WARS2: variants seen among roughly 807,000 people sequenced by gnomAD.
WARS2 encodes the protein tryptophan--tRNA ligase, mitochondrial.
A neutral mutation model predicts 36.5 loss-of-function variants in WARS2; 28 were observed. That is an observed-to-expected ratio of 0.77 (90% CI 0.57 to 1.05). The LOEUF (loss-of-function observed/expected upper bound fraction) is 1.05, where lower values mean the gene tolerates loss of function less well. WARS2 is among the 50% of genes least tolerant of loss of function. WARS2 has a pLI of 0.00. For synonymous variants in WARS2, 174 were observed against 178.4 expected (o/e 0.98, Z 0.20); for missense variants, 435 against 456.8 (o/e 0.95, Z 0.44).
rs908741602 is a variant in WARS2 at position 119,125,756 on chromosome 1, A to G, written c.90+14799T>C. Among the ~76,000 whole-genome samples the G allele has an allele frequency of 2.6e-5, 4 of 152,162 alleles. No homozygotes were observed. The South Asian group carries it at 8.3e-4, about 32-fold the overall frequency. ...ACCTCTTGAATACTCTTCTAAACTG[A>G]TTAAAGGATTAGGAAGCTGGCTGTC... On this transcript the variant is annotated intron_variant, in intron 1 of 5. Coordinates refer to ENST00000235521, the MANE Select transcript of WARS2 (RefSeq NM_015836.4).
chr1:119,078,392 C>T (rs975248175), intron 1 of WARS2, among the ~76,000 whole-genome samples: 6 of 152,042 alleles, frequency 3.9e-5, no homozygotes, highest in African/African-American at 9.7e-5. Context: ...GGTATGTATA[C>T]GTATCTTCAA....
chr1:119,085,119 C>G, intron 1 of WARS2: 1 of 782,310 alleles, frequency 1.3e-6, no homozygotes, highest in South Asian at 1.3e-5. Context: ...CCCTTCAGAA[C>G]GCCCGTTGTA....
chr1:119,082,878 T>A (rs960391079), intron 1 of WARS2, among the ~76,000 whole-genome samples: 4 of 152,140 alleles, frequency 2.6e-5, no homozygotes, highest in Admixed American at 2.6e-4. Context: ...GCAGGGCCTT[T>A]TAGAAAGTGA....
At chr1:119,112,247 G>A (rs1654690892) in intron 1 of WARS2, among the ~76,000 whole-genome samples, 1 of 152,106 alleles carries the variant, frequency 6.6e-6, no homozygotes, top group African/African-American at 2.4e-5. Flanking sequence ...TTGTTGTTAG[G>A]ATGAAGTGGA....
chr1:119,100,373 A>G (rs1482011914), intron 1 of WARS2, among the ~76,000 whole-genome samples: 5 of 152,148 alleles, frequency 3.3e-5, no homozygotes, highest in Admixed American at 3.3e-4. Context: ...TCTATGGAAA[A>G]CTGTATGGAG....
intron 4 of WARS2, among the ~76,000 whole-genome samples, chr1:119,035,669 A>C (rs1647818409): frequency 6.6e-6 from 1 of 152,214 alleles, no homozygotes; most frequent in South Asian, 2.1e-4. Context: ...TACCACAAAT[A>C]GTAATGCATA....
rs1275377615 is a variant in WARS2, at chr1:119,031,790, T to C, written c.*1121A>G. The C allele has an allele frequency of 6.6e-6, 1 of 152,392 alleles. No homozygotes were observed. The highest frequency in any genetic ancestry group is 2.4e-5 in the African/African-American group (1 of 41,458). 9.4% of individuals were successfully genotyped at this position (152,392 alleles called of 1,614,324 possible). On this transcript the variant is annotated 3_prime_UTR_variant, in exon 6 of 6. Coordinates refer to ENST00000235521, the MANE Select transcript of WARS2 (RefSeq NM_015836.4). ...GATTTGTCAGTCTTCACTGCTATTG[T>C]AGACTGGCAGAACCTATTTCAAAGT...
chr1:119,042,147 G>T, intron 4 of WARS2, 117 bp downstream of exon 4: 2 of 818,396 alleles, frequency 2.4e-6, no homozygotes, highest in South Asian at 1.8e-5. Flanking sequence ...AACTGATTCA[G>T]ATGTCTGACG....
chr1:119,052,015 C>T (rs1223331101), intron 2 of WARS2, among the ~76,000 whole-genome samples: 1 of 152,092 alleles, frequency 6.6e-6, no homozygotes, highest in Admixed American at 6.5e-5. Flanking sequence ...CTGCCTCAGC[C>T]TCCCAAAGTG....
At chr1:119,053,699 A>G (rs1649551571) in intron 2 of WARS2, among the ~76,000 whole-genome samples, 1 of 152,202 alleles carries the variant, frequency 6.6e-6, no homozygotes, top group African/African-American at 2.4e-5. Context: ...AAAATGGGAG[A>G]AAAATATTTG....
chr1:119,086,314 T>TGATTATCTGAGAACATTCATCC (rs1433973473), intron 1 of WARS2, among the ~76,000 whole-genome samples: 1 of 152,240 alleles, frequency 6.6e-6, no homozygotes, highest in Non-Finnish European at 1.5e-5. Context: ...CCTCTTCAGC[T>TGATTATCTGAGAACATTCATCC]GATTATCTGA....
intron 1 of WARS2, among the ~76,000 whole-genome samples, chr1:119,118,000 T>C (rs1222638595): frequency 1.3e-5 from 2 of 152,096 alleles, no homozygotes; most frequent in African/African-American, 2.4e-5. Flanking sequence ...AAAGTAATTC[T>C]AGTAATGTGA....
intron 1 of WARS2, chr1:119,085,520 C>T: frequency 1.3e-6 from 2 of 1,597,816 alleles, no homozygotes; most frequent in Non-Finnish European, 1.7e-6. Flanking sequence ...AGCTCTCAGA[C>T]AAACTTGGTG....
intron 1 of WARS2, among the ~76,000 whole-genome samples, chr1:119,132,792 A>T (rs1389090089): frequency 6.6e-6 from 1 of 152,156 alleles, no homozygotes; most frequent in Non-Finnish European, 1.5e-5. Context: ...AAGCCTCATC[A>T]CCATTCTAAT....
rs79040750 is a variant in WARS2 at position 119,061,485 on chromosome 1, T to C, written c.348+14865A>G. On this transcript the variant is annotated intron_variant, in intron 2 of 5. Coordinates refer to ENST00000235521, the MANE Select transcript of WARS2 (RefSeq NM_015836.4). ...GCAGAAGAGTCACTGAATGAAAAGA[T>C]AGATCAGTAGAAATTAACCCACTTA... is the stretch of plus-strand genomic sequence containing the variant. 5.5e-4 allele frequency among the ~76,000 whole-genome samples: 83 copies of C among 152,292 alleles called. No individual in the cohort carries two copies. The East Asian group carries it at 0.012, about 23-fold the overall frequency.
chr1:119,139,680 T>G (rs983881719), intron 1 of WARS2: 1 of 152,198 alleles, frequency 6.6e-6, no homozygotes, highest in African/African-American at 2.4e-5. Flanking sequence ...GCAATACATA[T>G]GCAAATGATG....
intron 3 of WARS2, 93 bp downstream of exon 3, chr1:119,045,489 C>T: frequency 9.4e-7 from 1 of 1,063,144 alleles, no homozygotes; most frequent in Non-Finnish European, 1.4e-6. Flanking sequence ...GAGTGGCAGA[C>T]CAGGGAGGAG....
chr1:119,052,172 T>C (rs562561205), intron 2 of WARS2, among the ~76,000 whole-genome samples: 25 of 152,310 alleles, frequency 1.6e-4, no homozygotes, highest in African/African-American at 6.0e-4. Flanking sequence ...CTGAAAGATA[T>C]AGCTGCTAGG....
chr1:119,135,814 C>A (rs890402859), intron 1 of WARS2, among the ~76,000 whole-genome samples: 7 of 151,930 alleles, frequency 4.6e-5, no homozygotes, highest in African/African-American at 1.7e-4. Context: ...GTTTTTCAGA[C>A]AGGATCTTAA....
Sources: gnomAD v4.1 joint callset for allele counts (sites outside exome capture counted in the v4.1 genomes callset) on GRCh38, gnomAD v4.1.1 for gene constraint, MANE v1.5 for transcripts, NCBI Gene and HGNC (gene_info 2026-07-23, HGNC 2026-07-21) for gene names.